Variants in KIFBP observed in about 807,000 individuals in gnomAD.
KIFBP encodes the protein kinesin family binding protein.
KIFBP carries 46 observed loss-of-function variants against 58.9 expected under a neutral mutation model. The observed-to-expected ratio is 0.78, with a 90% CI of 0.62 to 1.00. The LOEUF (loss-of-function observed/expected upper bound fraction) is 1.00. KIFBP is among the 50% of genes least tolerant of loss of function. KIFBP has a pLI of 0.00. For synonymous variants in KIFBP, 241 were observed against 283.4 expected, an observed-to-expected ratio of 0.85 and a Z score of 1.50; for missense variants, 651 against 752.9, an observed-to-expected ratio of 0.86 and a Z score of 1.58.
intron 6 of KIFBP, chr10:69,011,412 T>TTC (rs1554843557): frequency 5.8e-6 from 1 of 172,300 alleles, no homozygotes; most frequent in Admixed American, 5.9e-5. Context: ...TTTTTTTTTT[T>TTC]AGACAGGCTC....
chr10:69,005,076 C>A lies in KIFBP; in HGVS notation c.556C>A (p.Arg186Ser). 6.2e-7 allele frequency: 1 copy of A among 1,613,470 alleles called. No individual in the cohort carries two copies. The highest frequency in any genetic ancestry group is 1.1e-5 in the South Asian group (1 of 91,070). The change falls in exon 3 of 7, where the codon CGT becomes AGT. Residue 186 changes from arginine (R) to serine (S), a missense_variant. Arg to Ser is a moderately radical substitution (Grantham distance 110). Transcript: ENST00000361983. Reference sequence around the variant, plus strand: ...GAGTCCTCCTCTTGATCCTACTGAGCGTTTTCTTCCTGAAGAAGAGAAACT... The same window carrying A: ...GAGTCCTCCTCTTGATCCTACTGAGAGTTTTCTTCCTGAAGAAGAGAAACT... ...VGSPPLDPTE[R>S]FLPEEEKLTE...
At chr10:68,994,436 A>G (rs1843383079) in intron 1 of KIFBP, among the ~76,000 whole-genome samples, 1 of 152,116 alleles carries the variant, frequency 6.6e-6, no homozygotes, top group Admixed American at 6.6e-5. Context: ...ACTTGGCTCT[A>G]TATTATTTAT....
In KIFBP at chr10:68,989,068, AGGT is replaced by A. The variant is rs759829845; in HGVS notation, c.242_244del (p.Val81del). 6.2e-7 allele frequency: 1 copy of A among 1,612,354 alleles called. No individual in the cohort carries two copies. Among genetic ancestry groups the A allele is most frequent in the South Asian group, 1.1e-5 (1 of 90,974 alleles). ...GACCACGCCCTGGGGCTGCCGGCTG[AGGT>A]GGTGGAGCCCGAGGGGCCCGTCGCC... On this transcript the variant is annotated inframe_deletion, in exon 1 of 7. Coordinates refer to ENST00000361983, the MANE Select transcript of KIFBP (RefSeq NM_015634.4).
rs573595454 is a variant in KIFBP at position 68,990,867 on chromosome 10, C to T, written c.426+1609C>T. On this transcript the variant is annotated intron_variant, in intron 1 of 6. Coordinates refer to ENST00000361983, the MANE Select transcript of KIFBP (RefSeq NM_015634.4). ...TGTCAGTAGGAATATGATTAAATTC[C>T]GTTACATCCAAACAGAAGAACAGTA... Among the ~76,000 whole-genome samples, 14 of 151,998 alleles carry T rather than the reference C, an allele frequency of 9.2e-5. No individual in the cohort carries two copies. In the South Asian group the frequency reaches 1.5e-3, roughly 16 times the overall value.
Position 69,016,191 on chromosome 10 carries a change from G to C in KIFBP, c.1641G>C (p.Lys547Asn). ...TTCTTCGCCCTGCCATGTTAGCTAA[G>C]TTTCGAGTTGCCCGTCTCTATGGCA... ...EDVLRPAMLA[K>N]FRVARLYGKI... The change falls in exon 7 of 7, where the codon AAG becomes AAC. Residue 547 changes from lysine to asparagine, a missense_variant. Lys to Asn is a moderately conservative substitution (Grantham distance 94, BLOSUM62 0). Coordinates refer to ENST00000361983, the MANE Select transcript of KIFBP (RefSeq NM_015634.4). 1 of 1,613,424 alleles carries C rather than the reference G, an allele frequency of 6.2e-7. No homozygotes were observed. Among genetic ancestry groups the C allele is most frequent in the Non-Finnish European group, 8.5e-7 (1 of 1,179,756 alleles).
intron 4 of KIFBP, 74 bp downstream of exon 4, chr10:69,005,989 A>AATAC: frequency 1.5e-6 from 2 of 1,335,262 alleles, no homozygotes; most frequent in Non-Finnish European, 2.1e-6. Flanking sequence ...GTACCTTGAA[A>AATAC]ATACTATCTT....
In KIFBP at chr10:68,989,091, G is replaced by T. The variant is rs1328531861; in HGVS notation, c.259G>T (p.Val87Phe). 6.2e-7 allele frequency: 1 copy of T among 1,610,750 alleles called. No individual in the cohort carries two copies. Among genetic ancestry groups the T allele is most frequent in the Non-Finnish European group, 8.5e-7 (1 of 1,177,928 alleles). Residue 87 changes from valine to phenylalanine, a missense_variant, in exon 1 of 7, where the codon GTC (valine) becomes TTC (phenylalanine). Physicochemically the swap from Val to Phe is conservative, Grantham distance 50 (BLOSUM62 -1). Transcript: ENST00000361983. ...PAEVVEPEGP[V>F]AQRAVRLAVI... ...TGAGGTGGTGGAGCCCGAGGGGCCC[G>T]TCGCCCAGCGAGCGGTGAGGCTGGC...
At chr10:69,015,097 T>C (rs758167108) in intron 6 of KIFBP, among the ~76,000 whole-genome samples, 2 of 152,188 alleles carry the variant, frequency 1.3e-5, no homozygotes, top group Non-Finnish European at 2.9e-5. Flanking sequence ...TAATTTTTTA[T>C]ATTTTTAGTA....
At chr10:68,989,513 CT>C in intron 1 of KIFBP, 1 of 576,238 alleles carries the variant, frequency 1.7e-6, no homozygotes, top group Non-Finnish European at 3.1e-6. Flanking sequence ...ACCAATATCG[CT>C]TGCTGCTGCT....
intron 4 of KIFBP, among the ~76,000 whole-genome samples, chr10:69,008,576 G>T (rs948882729): frequency 6.6e-6 from 1 of 151,262 alleles, no homozygotes; most frequent in South Asian, 2.1e-4. Flanking sequence ...CTAACTTTCA[G>T]TTGGCAGTTG....
intron 2 of KIFBP, 74 bp downstream of exon 2, chr10:69,000,596 C>G (rs144410477): frequency 1.0e-6 from 1 of 975,012 alleles, no homozygotes; most frequent in Non-Finnish European, 1.7e-6. Flanking sequence ...ATCCCTCATT[C>G]GTAATATTGG....
chr10:68,991,097 T>A (rs1843341826), intron 1 of KIFBP: 1 of 152,662 alleles, frequency 6.6e-6, no homozygotes, highest in African/African-American at 2.4e-5. Context: ...TAGTGACACC[T>A]CATCGCTACT....
At chr10:69,009,011 C>G in intron 5 of KIFBP, 86 bp downstream of exon 5, 2 of 1,085,618 alleles carry the variant, frequency 1.8e-6, no homozygotes, top group South Asian at 1.3e-5. Context: ...GTTGCAAGAA[C>G]AGAAGAGCTA....
At chr10:69,008,387 A>ATATATAT (rs1554843393) in intron 4 of KIFBP, among the ~76,000 whole-genome samples, 3 of 60,148 alleles carry the variant, frequency 5.0e-5, no homozygotes, top group Non-Finnish European at 9.7e-5. Flanking sequence ...TAAAAAAAAA[A>ATATATAT]AAAAATATAT....
chr10:69,001,865 C>T (rs1004160977), intron 2 of KIFBP, among the ~76,000 whole-genome samples: 3 of 151,976 alleles, frequency 2.0e-5, no homozygotes, highest in South Asian at 4.1e-4. Context: ...TAAATTCATG[C>T]GTCAGAATGC....
At chr10:69,005,219 G>A in intron 3 of KIFBP, 94 bp downstream of exon 3, 6 of 937,306 alleles carry the variant, frequency 6.4e-6, no homozygotes, top group South Asian at 1.4e-5. Flanking sequence ...TATAGAATGT[G>A]GATTCTGACA....
In KIFBP at chr10:69,015,852, A is replaced by G. The variant is rs2132119850; in HGVS notation, c.1302A>G (p.Ala434=). ...ACAGTGCTCTGTTTAAGGTGCTTGC[A>G]TTCTTTGAAACTGACATGGAGAGAC... ...QDHSALFKVL[A]FFETDMERRC... is the part of the protein sequence containing the mutation. Residue 434 remains alanine (A), a synonymous_variant, in exon 7 of 7, where the codon GCA becomes GCG. Transcript: ENST00000361983. 2 of 1,614,204 alleles carry G rather than the reference A, an allele frequency of 1.2e-6. No individual in the cohort carries two copies. Among genetic ancestry groups the G allele is most frequent in the Non-Finnish European group, 8.5e-7 (1 of 1,180,042 alleles).
At chr10:69,011,888 A>G (rs1405461880) in intron 6 of KIFBP, among the ~76,000 whole-genome samples, 1 of 148,666 alleles carries the variant, frequency 6.7e-6, no homozygotes, top group Non-Finnish European at 1.5e-5. Context: ...ATGGGGTTTC[A>G]CCATTTTGGC....
At chr10:69,005,226 G>A in intron 3 of KIFBP, 101 bp downstream of exon 3, 1 of 882,262 alleles carries the variant, frequency 1.1e-6, no homozygotes, top group Non-Finnish European at 1.9e-6. Context: ...TGTGGATTCT[G>A]ACAGGAGTAA....
Sources: allele counts gnomAD v4.1 joint callset (sites outside exome capture counted in the v4.1 genomes callset), GRCh38; gene constraint gnomAD v4.1.1; transcripts MANE v1.5; gene names NCBI Gene and HGNC (gene_info 2026-07-23, HGNC 2026-07-21).